Variants in SLC39A11 observed in about 807,000 individuals in gnomAD.
The protein encoded by SLC39A11 is solute carrier family 39 member 11.
A neutral mutation model predicts 36.1 loss-of-function variants in SLC39A11; 33 were observed. The observed-to-expected ratio is 0.91, with a 90% CI of 0.69 to 1.22. SLC39A11 has a LOEUF of 1.22. Ranked by LOEUF, SLC39A11 falls within the 50% of genes most tolerant of loss-of-function variation. SLC39A11 has a pLI of 0.00. For synonymous variants in SLC39A11, 166 were observed against 170.3 expected, an observed-to-expected ratio of 0.97 and a Z score of 0.20; for missense variants, 432 against 430.3, an observed-to-expected ratio of 1.00 and a Z score of -0.03.
intron 4 of SLC39A11, among the ~76,000 whole-genome samples, chr17:72,967,555 C>T (rs2087105802): frequency 1.3e-5 from 2 of 152,058 alleles, no homozygotes; most frequent in Non-Finnish European, 2.9e-5. Flanking sequence ...GTTGGGCTAA[C>T]TTAAGCTAGG....
chr17:73,068,111 T>C, intron 3 of SLC39A11: 3 of 1,391,302 alleles, frequency 2.2e-6, no homozygotes, highest in Non-Finnish European at 2.0e-6. Context: ...TCCCACAGCC[T>C]TTAGCAAAAT....
At chr17:72,649,397 G>C in intron 7 of SLC39A11, 129 bp from the exon 8 acceptor site, 1 of 700,846 alleles carries the variant, frequency 1.4e-6, no homozygotes, top group African/African-American at 1.8e-5. Context: ...CCTGCAGTAG[G>C]AGAGGAAGGA....
chr17:72,862,544 C>G (rs889480206), intron 5 of SLC39A11, among the ~76,000 whole-genome samples: 1 of 152,118 alleles, frequency 6.6e-6, no homozygotes, highest in African/African-American at 2.4e-5. Context: ...CACAGGGACA[C>G]ACAAAGAATG....
intron 7 of SLC39A11, among the ~76,000 whole-genome samples, chr17:72,695,322 T>C (rs1460068748): frequency 6.6e-6 from 1 of 152,230 alleles, no homozygotes; most frequent in African/African-American, 2.4e-5. Flanking sequence ...CAGCCTGACA[T>C]GTCCACATGC....
intron 5 of SLC39A11, among the ~76,000 whole-genome samples, chr17:72,887,574 C>G (rs1408217496): frequency 6.6e-6 from 1 of 152,230 alleles, no homozygotes; most frequent in East Asian, 1.9e-4. Flanking sequence ...ATAACGAGAA[C>G]AGTCGCAGCC....
intron 5 of SLC39A11, among the ~76,000 whole-genome samples, chr17:72,919,679 A>G (rs543026942): frequency 1.1e-4 from 16 of 145,908 alleles, no homozygotes; most frequent in African/African-American, 3.4e-4. Context: ...CAAAAAAAAA[A>G]AAAAAAGAAA....
intron 5 of SLC39A11, among the ~76,000 whole-genome samples, chr17:72,892,259 A>G (rs1346428117): frequency 1.3e-5 from 2 of 151,992 alleles, no homozygotes; most frequent in African/African-American, 4.8e-5. Flanking sequence ...AGTAAAAAAA[A>G]ATTAGTCAGG....
chr17:72,783,005 A>C (rs1435630761), intron 6 of SLC39A11, among the ~76,000 whole-genome samples: 1 of 36,346 alleles, frequency 2.8e-5, no homozygotes, highest in East Asian at 5.0e-4. Context: ...CTGTCTCAAC[A>C]AAAAAAAAAA....
At chr17:72,837,977 A>C in intron 6 of SLC39A11, 1 of 1,231,162 alleles carries the variant, frequency 8.1e-7, no homozygotes, top group Non-Finnish European at 1.0e-6. Flanking sequence ...TTACAGGGTG[A>C]TGAGAGTATT....
chr17:72,741,787 T>TA (rs2074717391), intron 6 of SLC39A11, among the ~76,000 whole-genome samples: 2 of 151,900 alleles, frequency 1.3e-5, no homozygotes, highest in South Asian at 4.2e-4. Context: ...GGTCCTTCAT[T>TA]ACTCAAGGAA....
At chr17:72,924,048 G>T (rs546623105) in intron 5 of SLC39A11, among the ~76,000 whole-genome samples, 32 of 151,360 alleles carry the variant, frequency 2.1e-4, no homozygotes, top group African/African-American at 7.3e-4. Flanking sequence ...TAGGGAAGCT[G>T]AGGTGGGAGG....
At position 72,649,277 on chromosome 17, in the gene SLC39A11, C is replaced by G. The variant is rs138578970; in HGVS notation, c.672-9G>C. 1,929 of 1,613,210 alleles carry G rather than the reference C, an allele frequency of 1.2e-3. 21 individuals are homozygous for G. In the African/African-American group the frequency reaches 0.022, roughly 19 times the overall value. ...TTCCAATGGCCAAATTCCTGAAAAA[C>G]CAAGAAAGCACATGAAGGCTGCTGT... On this transcript the variant is annotated splice_polypyrimidine_tract_variant and intron_variant, in intron 7 of 9. Coordinates refer to ENST00000255559, the MANE Select transcript of SLC39A11 (RefSeq NM_139177.4).
intron 6 of SLC39A11, among the ~76,000 whole-genome samples, chr17:72,749,497 C>T (rs1165298351): frequency 6.6e-6 from 1 of 152,196 alleles, no homozygotes; most frequent in African/African-American, 2.4e-5. Context: ...CAGGGACAAC[C>T]TAAGCAGCTC....
chr17:72,866,793 A>T (rs2080324446), intron 5 of SLC39A11, among the ~76,000 whole-genome samples: 1 of 152,230 alleles, frequency 6.6e-6, no homozygotes, highest in Non-Finnish European at 1.5e-5. Flanking sequence ...ATTTCTATTA[A>T]CCTACACATT....
intron 5 of SLC39A11, among the ~76,000 whole-genome samples, chr17:72,871,059 T>G (rs1206557302): frequency 2.0e-5 from 3 of 149,134 alleles, no homozygotes; most frequent in African/African-American, 7.4e-5. Context: ...TGTTTTTGTT[T>G]TTTTTTTTTT....
chr17:72,701,740 A>G (rs61169436), intron 7 of SLC39A11, among the ~76,000 whole-genome samples: 2 of 150,108 alleles, frequency 1.3e-5, no homozygotes, highest in Admixed American at 6.6e-5. Flanking sequence ...AAAAAAAAAA[A>G]AAAAAAGAAA....
chr17:72,863,395 G>A (rs2080141577), intron 5 of SLC39A11, among the ~76,000 whole-genome samples: 1 of 152,048 alleles, frequency 6.6e-6, no homozygotes, highest in African/African-American at 2.4e-5. Context: ...TGTTCTCGGA[G>A]GACCCAAGGG....
chr17:73,008,156 T>G (rs2090293006), intron 4 of SLC39A11, among the ~76,000 whole-genome samples: 2 of 72,690 alleles, frequency 2.8e-5, no homozygotes, highest in Non-Finnish European at 4.6e-5. Context: ...GGTTTGTTGT[T>G]TTTTTTTTGT....
chr17:72,939,832 C>G (rs1434909007), intron 5 of SLC39A11, among the ~76,000 whole-genome samples: 2 of 152,146 alleles, frequency 1.3e-5, no homozygotes, highest in Non-Finnish European at 2.9e-5. Flanking sequence ...TACAAGATAA[C>G]CATCCCTTCT....
Sources: allele counts gnomAD v4.1 joint callset (sites outside exome capture counted in the v4.1 genomes callset), GRCh38; gene constraint gnomAD v4.1.1; transcripts MANE v1.5; gene names NCBI Gene and HGNC (gene_info 2026-07-23, HGNC 2026-07-21).